Variants in UBE2E3 observed in about 807,000 individuals in gnomAD.
The protein encoded by UBE2E3 is ubiquitin conjugating enzyme E2 E3, also known as ubiquitin-conjugating enzyme E2 E3.
A neutral mutation model predicts 23.6 loss-of-function variants in UBE2E3; 5 were observed. That is an observed-to-expected ratio of 0.21 (90% CI 0.11 to 0.44). UBE2E3 has a LOEUF of 0.44. UBE2E3 is among the 20% of genes least tolerant of loss of function. The pLI is 0.99. For missense variants in UBE2E3, 81 were observed against 249.8 expected (o/e 0.32, Z 4.55); for synonymous variants, 78 against 87.5 (o/e 0.89, Z 0.60).
chr2:181,003,950 T>A (rs1368709016), intron 3 of UBE2E3, among the ~76,000 whole-genome samples: 1 of 152,180 alleles, frequency 6.6e-6, no homozygotes, highest in Non-Finnish European at 1.5e-5. Flanking sequence ...ATATAACTAG[T>A]CTAAAGACAG....
chr2:181,004,650 G>A (rs1003477955), intron 3 of UBE2E3, among the ~76,000 whole-genome samples: 2 of 152,016 alleles, frequency 1.3e-5, no homozygotes, highest in African/African-American at 2.4e-5. Flanking sequence ...AAAGAATTGC[G>A]TTAAGTAACT....
At position 181,059,678 on chromosome 2, in the gene UBE2E3, A is replaced by G. The variant is rs369058192; in HGVS notation, c.379-987A>G. The stretch of plus-strand genomic sequence containing the variant: ...GTTCGTCTCAATTCACCTTGCCACA[A>G]TTTAAGAGCTGTATATGCACATGTA... On this transcript the variant is annotated intron_variant, in intron 4 of 5. Coordinates refer to ENST00000410062, the MANE Select transcript of UBE2E3 (RefSeq NM_006357.4). Among the ~76,000 whole-genome samples the G allele has an allele frequency of 7.9e-5, 12 of 151,620 alleles. No homozygotes were observed. The East Asian group carries it at 9.7e-4, about 12-fold the overall frequency.
At chr2:181,038,374 A>G (rs1686366283) in intron 3 of UBE2E3, among the ~76,000 whole-genome samples, 3 of 152,222 alleles carry the variant, frequency 2.0e-5, no homozygotes, top group South Asian at 4.1e-4. Context: ...TAAATACGCT[A>G]TGATGTTTGA....
Position 181,041,234 on chromosome 2 carries a change from C to CAAAAAAAAAAAAAAAAAAAA in UBE2E3, c.246-16440_246-16439insAAAAAAAAAAAAAAAAAAAA, listed in dbSNP as rs1206207155. 9.9e-4 allele frequency among the ~76,000 whole-genome samples: 76 copies of CAAAAAAAAAAAAAAAAAAAA among 77,154 alleles called. 10 individuals carry two copies. Among genetic ancestry groups the CAAAAAAAAAAAAAAAAAAAA allele is most frequent in the Non-Finnish European group, 1.5e-3 (64 of 41,976 alleles). 50.6% of individuals were successfully genotyped at this position (77,154 alleles called of 152,430 possible). ...CTAACGACAGAGCAAGACTCCGTCT[C>CAAAAAAAAAAAAAAAAAAAA]AAAAAAAAAAAAAAAAAAAGATAGA... On this transcript the variant is annotated intron_variant, in intron 3 of 5. Coordinates refer to ENST00000410062, the MANE Select transcript of UBE2E3 (RefSeq NM_006357.4).
chr2:181,043,998 G>T (rs1478841365), intron 3 of UBE2E3, among the ~76,000 whole-genome samples: 1 of 151,968 alleles, frequency 6.6e-6, no homozygotes. Flanking sequence ...TTTTATTCAC[G>T]TCTCTGTTTT....
chr2:181,044,082 T>C (rs927968530), intron 3 of UBE2E3, among the ~76,000 whole-genome samples: 1 of 152,152 alleles, frequency 6.6e-6, no homozygotes, highest in Non-Finnish European at 1.5e-5. Flanking sequence ...TAAGAATCTT[T>C]AAAAGGCTGT....
At chr2:181,030,849 TTC>T (rs1314175426) in intron 3 of UBE2E3, among the ~76,000 whole-genome samples, 1 of 152,172 alleles carries the variant, frequency 6.6e-6, no homozygotes, top group East Asian at 1.9e-4. Flanking sequence ...TATTTCTGTC[TTC>T]TCTCTGTCTT....
At chr2:180,981,629 T>TA (rs1684296891) in intron 1 of UBE2E3, among the ~76,000 whole-genome samples, 2 of 152,260 alleles carry the variant, frequency 1.3e-5, no homozygotes, top group African/African-American at 2.4e-5. Context: ...TGTCAGTGTG[T>TA]AAATATTTAG....
At chr2:181,007,114 A>G (rs375959372) in intron 3 of UBE2E3, among the ~76,000 whole-genome samples, 2 of 151,398 alleles carry the variant, frequency 1.3e-5, no homozygotes, top group East Asian at 1.9e-4. Context: ...AAATTTAATC[A>G]TTTTTTTTTC....
rs112399456 is a variant in UBE2E3, at chr2:180,984,187, A to G, written c.245+94A>G. On this transcript the variant is annotated intron_variant, in intron 3 of 5. Coordinates refer to ENST00000410062, the MANE Select transcript of UBE2E3 (RefSeq NM_006357.4). ...GGATATGTGTGCAGCAGAGGAGACA[A>G]CATTTGCTTCTTTACAGCTTTGCAA... 99 of 1,092,378 alleles carry G rather than the reference A, an allele frequency of 9.1e-5. 4 individuals carry two copies. Among genetic ancestry groups the G allele is most frequent in the African/African-American group, 8.5e-4 (55 of 64,502 alleles). 67.7% of individuals were successfully genotyped at this position (1,092,378 alleles called of 1,614,324 possible).
chr2:181,058,647 A>T (rs1231440599), intron 4 of UBE2E3, among the ~76,000 whole-genome samples: 1 of 151,778 alleles, frequency 6.6e-6, no homozygotes, highest in Non-Finnish European at 1.5e-5. Flanking sequence ...TTTCTTTTCC[A>T]ACATGGTGAC....
intron 3 of UBE2E3, among the ~76,000 whole-genome samples, chr2:181,057,157 C>T (rs765405539): frequency 2.0e-5 from 3 of 151,598 alleles, no homozygotes; most frequent in Non-Finnish European, 2.9e-5. Flanking sequence ...GGTCCTGCAT[C>T]GGAGAAAAAT....
intron 3 of UBE2E3, among the ~76,000 whole-genome samples, chr2:180,990,516 G>A (rs879780763): frequency 5.3e-5 from 8 of 152,116 alleles, no homozygotes; most frequent in East Asian, 1.9e-4. Flanking sequence ...ACTTCTATGC[G>A]TAGTTTACAT....
At chr2:180,995,412 C>T (rs1455063580) in intron 3 of UBE2E3, among the ~76,000 whole-genome samples, 1 of 152,058 alleles carries the variant, frequency 6.6e-6, no homozygotes, top group East Asian at 1.9e-4. Context: ...TTTTCCTTTG[C>T]TTATTTTACT....
intron 3 of UBE2E3, among the ~76,000 whole-genome samples, chr2:180,998,827 C>T (rs1684909557): frequency 2.0e-5 from 3 of 152,122 alleles, no homozygotes; most frequent in South Asian, 2.1e-4. Context: ...ACAAAAAAAT[C>T]GTCAACGGCA....
chr2:180,982,896 C>T (rs568544819), intron 2 of UBE2E3, among the ~76,000 whole-genome samples: 26 of 152,240 alleles, frequency 1.7e-4, no homozygotes, highest in African/African-American at 6.3e-4. Flanking sequence ...GTCCTTGGGC[C>T]TCTTCACTCT....
chr2:181,060,589 C>A, intron 4 of UBE2E3, 76 bp from the exon 5 acceptor site: 1 of 1,318,596 alleles, frequency 7.6e-7, no homozygotes, highest in Non-Finnish European at 1.0e-6. Flanking sequence ...GATATATTAC[C>A]CTTCATTTTT....
At chr2:180,996,803 C>T (rs952517549) in intron 3 of UBE2E3, among the ~76,000 whole-genome samples, 16 of 152,226 alleles carry the variant, frequency 1.1e-4, no homozygotes, top group South Asian at 2.1e-4. Context: ...GTGTTTCTTA[C>T]ATAAAATGTA....
In UBE2E3 at chr2:181,035,933, T is replaced by C. The variant is rs539644501; in HGVS notation, c.246-21760T>C. ...ATTTATTTTGTTTGGTGTTGAACTC[T>C]ATAGGTATAAAGTAAGCCTCCAATG... On this transcript the variant is annotated intron_variant, in intron 3 of 5. Coordinates refer to ENST00000410062, the MANE Select transcript of UBE2E3 (RefSeq NM_006357.4). 2.8e-5 allele frequency among the ~76,000 whole-genome samples: 4 copies of C among 142,232 alleles called. No individual in the cohort carries two copies. In the South Asian group the frequency reaches 8.9e-4, roughly 32 times the overall value. 93.3% of individuals were successfully genotyped at this position (142,232 alleles called of 152,430 possible).
Sources: gnomAD v4.1 joint callset for allele counts (sites outside exome capture counted in the v4.1 genomes callset) on GRCh38, gnomAD v4.1.1 for gene constraint, MANE v1.5 for transcripts, NCBI Gene and HGNC (gene_info 2026-07-23, HGNC 2026-07-21) for gene names.